The following OPA3 variants were observed in gnomAD, a reference collection of about 807,000 sequenced individuals.
OPA3 encodes the protein outer mitochondrial membrane lipid metabolism regulator OPA3.
OPA3 carries 6 observed loss-of-function variants against 4.0 expected under a neutral mutation model. The observed-to-expected ratio is 1.51, with a 90% CI of 0.83 to 2.99. OPA3 has a LOEUF of 2.99. OPA3 is among the 30% of genes most tolerant of loss of function. OPA3 has a pLI of 0.00. For missense variants in OPA3, 235 were observed against 256.2 expected, an observed-to-expected ratio of 0.92 and a Z score of 0.56; for synonymous variants, 105 against 117.1, an observed-to-expected ratio of 0.90 and a Z score of 0.67.
intron 1 of OPA3, among the ~76,000 whole-genome samples, chr19:45,555,681 T>C (rs1969410573): frequency 6.6e-6 from 1 of 151,964 alleles, no homozygotes. Flanking sequence ...TTAGTAGAGA[T>C]GGGGTTTCAC....
chr19:45,582,018 C>T (rs1279423913), intron 1 of OPA3, among the ~76,000 whole-genome samples: 1 of 152,008 alleles, frequency 6.6e-6, no homozygotes, highest in East Asian at 1.9e-4. Flanking sequence ...AGGCTGGTCT[C>T]GAACTCCTGA....
rs935324043 is a variant in OPA3 at position 45,550,680 on chromosome 19, A to C, written c.*2834T>G. The C allele has an allele frequency of 1.0e-6, 1 of 985,756 alleles. No individual in the cohort carries two copies. The highest frequency in any genetic ancestry group is 1.7e-5 in the African/African-American group (1 of 57,214). 61.1% of individuals were successfully genotyped at this position (985,756 alleles called of 1,614,324 possible). ...TAGGGTGACTCTTGGGCCTCTCCCC[A>C]TCAGAACCCTCCCAGTTTCCCTCCT... On this transcript the variant is annotated 3_prime_UTR_variant, in exon 2 of 2. Coordinates refer to ENST00000263275, the MANE Select transcript of OPA3 (RefSeq NM_025136.4).
intron 1 of OPA3, among the ~76,000 whole-genome samples, chr19:45,533,734 G>A (rs1969085636): frequency 6.6e-6 from 1 of 152,142 alleles, no homozygotes; most frequent in African/African-American, 2.4e-5. Flanking sequence ...CTATGGGAGG[G>A]GCCCTCTTGG....
At chr19:45,575,035 A>G (rs951680811) in intron 1 of OPA3, among the ~76,000 whole-genome samples, 1 of 152,148 alleles carries the variant, frequency 6.6e-6, no homozygotes, top group African/African-American at 2.4e-5. Context: ...GCAACCAGCA[A>G]AAGAACTGTC....
chr19:45,567,717 G>A (rs1176762098), intron 1 of OPA3, among the ~76,000 whole-genome samples: 1 of 152,058 alleles, frequency 6.6e-6, no homozygotes, highest in African/African-American at 2.4e-5. Flanking sequence ...AAGAGGAGGA[G>A]TTTGGGAGCC....
chr19:45,542,668 T>TG (rs1192777522), downstream of OPA3, among the ~76,000 whole-genome samples: 11 of 13,788 alleles, frequency 8.0e-4, no homozygotes, highest in African/African-American at 1.8e-3. Flanking sequence ...TTTTTTTGTT[T>TG]TTTTTTTTTT....
intron 1 of OPA3, among the ~76,000 whole-genome samples, chr19:45,583,158 T>C: frequency 6.6e-6 from 1 of 151,878 alleles, no homozygotes; most frequent in Non-Finnish European, 1.5e-5. Context: ...AGATCACCTT[T>C]TTTTTTTTTG....
intron 1 of OPA3, among the ~76,000 whole-genome samples, chr19:45,555,691 C>T (rs1488839222): frequency 6.6e-6 from 1 of 152,096 alleles, no homozygotes; most frequent in Non-Finnish European, 1.5e-5. Flanking sequence ...TGGGGTTTCA[C>T]CGTGTTAGCC....
chr19:45,544,191 C>A (rs1047977229), downstream of OPA3, among the ~76,000 whole-genome samples: 6 of 152,170 alleles, frequency 3.9e-5, no homozygotes, highest in African/African-American at 1.4e-4. Flanking sequence ...TCCCATGATG[C>A]TTCACTGCTC....
At chr19:45,561,052 G>A (rs1324245914) in intron 1 of OPA3, among the ~76,000 whole-genome samples, 1 of 152,208 alleles carries the variant, frequency 6.6e-6, no homozygotes, top group Non-Finnish European at 1.5e-5. Flanking sequence ...AAATAGGACA[G>A]GCCGGGCGCG....
At chr19:45,529,038 C>T (rs768465514) in exon 2 of OPA3, 2 of 1,595,818 alleles carry the variant, frequency 1.3e-6, no homozygotes, top group Non-Finnish European at 8.5e-7. Context: ...ACCTCCAAGA[C>T]CAGGGCCCCG....
At chr19:45,573,386 G>T (rs1044917795) in intron 1 of OPA3, among the ~76,000 whole-genome samples, 4 of 152,114 alleles carry the variant, frequency 2.6e-5, no homozygotes, top group African/African-American at 9.7e-5. Context: ...AGGAGGTGGA[G>T]GTTGCGGTGA....
chr19:45,530,515 G>A (rs112088626), intron 1 of OPA3, among the ~76,000 whole-genome samples: 4,208 of 150,504 alleles, frequency 0.028, 197 homozygotes, highest in African/African-American at 0.097. Flanking sequence ...TGTATGTATG[G>A]TTTTTTTTTA....
chr19:45,537,415 A>AC (rs1017670345), intron 1 of OPA3, among the ~76,000 whole-genome samples: 1 of 150,888 alleles, frequency 6.6e-6, no homozygotes, highest in South Asian at 2.1e-4. Context: ...AAAAAAAAAA[A>AC]AAAAAAACAA....
chr19:45,562,055 C>T (rs540647938), intron 1 of OPA3, among the ~76,000 whole-genome samples: 1 of 151,822 alleles, frequency 6.6e-6, no homozygotes, highest in East Asian at 1.9e-4. Flanking sequence ...TTTAGAAATT[C>T]TCTTATTAGG....
Position 45,550,702 on chromosome 19 carries a change from T to G in OPA3, c.*2812A>C, listed in dbSNP as rs1969319558. The G allele has an allele frequency of 6.1e-6, 6 of 985,884 alleles. No individual in the cohort carries two copies. In the South Asian group the frequency reaches 1.9e-4, roughly 31 times the overall value. The allele number at this position is 985,884 out of a possible 1,614,324, so 61.1% of individuals were successfully genotyped here. A position where few individuals can be genotyped will look rare whatever the true frequency, so the allele number is the denominator to read the frequency against. On this transcript the variant is annotated 3_prime_UTR_variant, in exon 2 of 2. Coordinates refer to ENST00000263275, the MANE Select transcript of OPA3 (RefSeq NM_025136.4). ...CCCATCAGAACCCTCCCAGTTTCCC[T>G]CCTGATTTTAATAAGCTCTGTACCC...
chr19:45,566,771 G>A (rs1027799981), intron 1 of OPA3, among the ~76,000 whole-genome samples: 1 of 152,086 alleles, frequency 6.6e-6, no homozygotes, highest in Non-Finnish European at 1.5e-5. Flanking sequence ...ACCGCACCTG[G>A]CTCAGCCAGC....
At chr19:45,555,139 C>T (rs750116963) in intron 1 of OPA3, among the ~76,000 whole-genome samples, 5 of 152,104 alleles carry the variant, frequency 3.3e-5, no homozygotes, top group African/African-American at 4.8e-5. Flanking sequence ...TCAAAATTAA[C>T]TCAATCCAGA....
At chr19:45,543,958 C>T (rs1460553756), downstream of OPA3, among the ~76,000 whole-genome samples, 2 of 152,206 alleles carry the variant, frequency 1.3e-5, no homozygotes, top group Non-Finnish European at 2.9e-5. Flanking sequence ...CAGGAAGGTT[C>T]CTGTTGCTGG....
Sources: gnomAD v4.1 joint callset for allele counts (sites outside exome capture counted in the v4.1 genomes callset) on GRCh38, gnomAD v4.1.1 for gene constraint, MANE v1.5 for transcripts, NCBI Gene and HGNC (gene_info 2026-07-23, HGNC 2026-07-21) for gene names.